Variants in PLCD1 observed in about 807,000 individuals in gnomAD.
PLCD1 encodes the protein phospholipase C delta 1.
PLCD1 carries 71 observed loss-of-function variants against 87.4 expected under a neutral mutation model. The observed-to-expected ratio is 0.81, with a 90% confidence interval of 0.67 to 0.99. The LOEUF (loss-of-function observed/expected upper bound fraction) is 0.99. Among genes scored for constraint, PLCD1 ranks in the 50% least tolerant of loss-of-function variants. PLCD1 has a pLI of 0.00. For synonymous variants in PLCD1, 348 were observed against 399.2 expected (o/e 0.87, Z 1.53); for missense variants, 867 against 1,001.5 (o/e 0.87, Z 1.81).
intron 3 of PLCD1, among the ~76,000 whole-genome samples, chr3:38,015,344 C>G (rs1048322912): frequency 2.0e-5 from 3 of 152,168 alleles, no homozygotes; most frequent in African/African-American, 7.2e-5. Context: ...ACAAAAGACT[C>G]CATGATTCCG....
chr3:38,010,120 G>A lies in PLCD1; in HGVS notation c.1137+11C>T. On this transcript the variant is annotated intron_variant, in intron 7 of 14. Coordinates refer to ENST00000334661, the MANE Select transcript of PLCD1 (RefSeq NM_006225.4). ...AGCATCCCACTCCTCACCTGCCAGG[G>A]GCACTCCCACCTTGAAGGCATAGTC... The A allele has an allele frequency of 6.8e-6, 11 of 1,614,234 alleles. No homozygotes were observed. Among genetic ancestry groups the A allele is most frequent in the Non-Finnish European group, 9.3e-6 (11 of 1,180,034 alleles).
In PLCD1 at chr3:38,010,222, T is replaced by C. The variant is rs956092319; in HGVS notation, c.1046A>G (p.Asn349Ser). The C allele has an allele frequency of 1.2e-6, 2 of 1,614,178 alleles. No homozygotes were observed. Among genetic ancestry groups the C allele is most frequent in the Non-Finnish European group, 1.7e-6 (2 of 1,180,012 alleles). Residue 349 changes from asparagine to serine, a missense_variant, in exon 7 of 15, where the codon AAC (asparagine) becomes AGC (serine). By Grantham distance (46) the Asn-to-Ser change is conservative. Transcript: ENST00000334661. ...CLELDCWDGP[N>S]QEPIIYHGYT... ...GCCGTGGTAGATGATTGGTTCCTGGTTGGGCCCGTCCCAGCAGTCAAGCTC... is the reference window on the plus strand; with the variant it reads ...GCCGTGGTAGATGATTGGTTCCTGGCTGGGCCCGTCCCAGCAGTCAAGCTC...
At position 38,007,865 on chromosome 3, in the gene PLCD1, G is replaced by A; in HGVS notation, c.2186-7C>T. The A allele has an allele frequency of 6.2e-7, 1 of 1,613,634 alleles. No individual in the cohort carries two copies. Among genetic ancestry groups the A allele is most frequent in the Non-Finnish European group, 8.5e-7 (1 of 1,179,482 alleles). On this transcript the variant is annotated splice_region_variant and splice_polypyrimidine_tract_variant and intron_variant, in intron 14 of 14. Transcript: ENST00000334661. ...AGGTGGACATGGCGGTATCCTGGTG[G>A]GTGGACAGGCAGGAGGGAACACAGA...
Position 38,007,653 on chromosome 3 carries a change from G to T in PLCD1, c.*120C>A. ...CAGCAGCAGACACTATGTTAGGGCT[G>T]AAGGCAATTTGGGGGCCTAGCTCTG... On this transcript the variant is annotated 3_prime_UTR_variant, in exon 15 of 15. Coordinates refer to ENST00000334661, the MANE Select transcript of PLCD1 (RefSeq NM_006225.4). 1 of 786,192 alleles carries T rather than the reference G, an allele frequency of 1.3e-6. No homozygotes were observed. The highest frequency in any genetic ancestry group is 2.0e-5 in the Admixed American group (1 of 50,654). The allele number at this position is 786,192 out of a possible 1,614,324, so 48.7% of individuals were successfully genotyped here. A position where few individuals can be genotyped will look rare whatever the true frequency, so the allele number is the denominator to read the frequency against.
rs1227273185 is a variant in PLCD1 at position 38,029,534 on chromosome 3, G to A, written c.6C>T (p.Asp2=). The change falls in exon 1 of 15, where the codon GAC becomes GAT. Residue 2 remains aspartate, a synonymous_variant. Transcript: ENST00000334661. M[D]SGRDFLTLHG... is the part of the protein sequence containing the mutation. ...GCAGGGTCAGGAAGTCCCGGCCCGA[G>A]TCCATGCCCGACGGGCGGCGCGGCG... The A allele has an allele frequency of 2.0e-6, 3 of 1,538,320 alleles. No homozygotes were observed. Among genetic ancestry groups the A allele is most frequent in the Non-Finnish European group, 1.7e-6 (2 of 1,146,372 alleles).
Position 38,016,489 on chromosome 3 carries a change from A to G in PLCD1, c.428+2T>C. The G allele has an allele frequency of 6.2e-7, 1 of 1,604,574 alleles. No homozygotes were observed. The highest frequency in any genetic ancestry group is 8.5e-7 in the Non-Finnish European group (1 of 1,171,782). On this transcript the variant is annotated splice_donor_variant, in intron 3 of 14. Transcript: ENST00000334661. LOFTEE classifies it high-confidence loss of function. ...CTGGACCCACTGCCACCAAAAGGAT[A>G]CTGCTGTAGCTTCTGACGCTGGTCC... is the stretch of plus-strand genomic sequence containing the variant.
At chr3:38,014,247 G>A (rs929661564) in intron 3 of PLCD1, among the ~76,000 whole-genome samples, 1 of 151,330 alleles carries the variant, frequency 6.6e-6, no homozygotes. Flanking sequence ...AAATTCAAGG[G>A]ACCCAGAATA....
At position 38,009,290 on chromosome 3, in the gene PLCD1, G is replaced by A. The variant is rs201094715; in HGVS notation, c.1588C>T (p.Arg530Ter). 560 of 1,614,182 alleles carry A rather than the reference G, an allele frequency of 3.5e-4. No individual in the cohort carries two copies. Among genetic ancestry groups the A allele is most frequent in the Non-Finnish European group, 4.5e-4 (527 of 1,180,020 alleles). The change falls in exon 10 of 15, where the codon CGA (arginine) becomes TGA (stop). Residue 530 changes from arginine to a stop codon, truncating the protein, a stop_gained. Transcript: ENST00000334661. LOFTEE classifies it high-confidence loss of function. ...GCCTCACCTGATTCTTGGAGCAGTC[G>A]AAGGGCACGGTTCTCAGAGAAGGAC... ...MASFSENRAL[R>*]LLQESGNGFV...
In PLCD1 at chr3:38,007,848, A is replaced by T; in HGVS notation, c.2196T>A (p.His732Gln). 6.2e-7 allele frequency: 1 copy of T among 1,614,136 alleles called. No homozygotes were observed. The highest frequency in any genetic ancestry group is 8.5e-7 in the Non-Finnish European group (1 of 1,179,946). The change falls in exon 15 of 15, where the codon CAT becomes CAA. Residue 732 changes from histidine (H) to glutamine (Q), a missense_variant. His to Gln is a conservative substitution (Grantham distance 24, BLOSUM62 0). Coordinates refer to ENST00000334661, the MANE Select transcript of PLCD1 (RefSeq NM_006225.4). ...PLNSLKQGYR[H>Q]VHLMSKNGDQ... ...CCCCGTTCTTAGACATGAGGTGGACATGGCGGTATCCTGGTGGGTGGACAG... is the reference window on the plus strand; with the variant it reads ...CCCCGTTCTTAGACATGAGGTGGACTTGGCGGTATCCTGGTGGGTGGACAG...
rs142342228 is a variant in PLCD1, at chr3:38,021,910, A to G, written c.35-1558T>C. On this transcript the variant is annotated intron_variant, in intron 1 of 14. Coordinates refer to ENST00000334661, the MANE Select transcript of PLCD1 (RefSeq NM_006225.4). ...CTCCCCCAGCCAGCCTGTCCCACAT[A>G]TCTTCAGGGCTCACAGAACCCTCTG... Among the ~76,000 whole-genome samples the G allele has an allele frequency of 9.9e-4, 150 of 152,146 alleles. 1 individual carries two copies. The highest frequency in any genetic ancestry group is 3.6e-3 in the African/African-American group (149 of 41,502).
At chr3:38,022,758 G>C (rs1700253577) in intron 1 of PLCD1, among the ~76,000 whole-genome samples, 1 of 152,068 alleles carries the variant, frequency 6.6e-6, no homozygotes, top group African/African-American at 2.4e-5. Flanking sequence ...TCATCTCTTA[G>C]CCTCATTTGG....
In PLCD1 at chr3:38,007,575, A is replaced by G; in HGVS notation, c.*198T>C. The G allele has an allele frequency of 1.4e-6, 1 of 698,812 alleles. No homozygotes were observed. The highest frequency in any genetic ancestry group is 2.6e-6 in the Non-Finnish European group (1 of 383,424). 43.3% of individuals were successfully genotyped at this position (698,812 alleles called of 1,614,324 possible). On this transcript the variant is annotated 3_prime_UTR_variant, in exon 15 of 15. Transcript: ENST00000334661. ...GGAGAGGGCTGCAGTGTTATTCCTA[A>G]CGGAATGAAGGACAGCTCCAGGGAC...
At chr3:38,009,551 G>A (rs1700033227) in intron 9 of PLCD1, 102 bp downstream of exon 9, 1 of 1,552,822 alleles carries the variant, frequency 6.4e-7, no homozygotes, top group East Asian at 2.3e-5. Context: ...CGGGGCAGAG[G>A]GTCTGAGTGG....
At chr3:38,024,433 T>A in intron 1 of PLCD1, 1 of 1,611,526 alleles carries the variant, frequency 6.2e-7, no homozygotes, top group Non-Finnish European at 8.5e-7. Context: ...AGGCACTGCA[T>A]GGCCCTCCAC....
At chr3:38,011,112 C>A (rs1405617420) in intron 5 of PLCD1, 102 bp downstream of exon 5, 2 of 931,048 alleles carry the variant, frequency 2.1e-6, no homozygotes, top group East Asian at 2.6e-5. Flanking sequence ...GAGGCAGCCC[C>A]TTCCCTCCGG....
chr3:38,015,139 C>T lies in PLCD1; in HGVS notation c.428+1352G>A, dbSNP rs558392380. On this transcript the variant is annotated intron_variant, in intron 3 of 14. Coordinates refer to ENST00000334661, the MANE Select transcript of PLCD1 (RefSeq NM_006225.4). ...ATATATACACACCAAAACTTATACA[C>T]GAATGTTAATATCAGCATTCTTCAT... Among the ~76,000 whole-genome samples, 53 of 152,270 alleles carry T rather than the reference C, an allele frequency of 3.5e-4. No homozygotes were observed. In the South Asian group the frequency reaches 0.01, roughly 29 times the overall value.
chr3:38,017,001 G>A lies in PLCD1; in HGVS notation c.200-282C>T, dbSNP rs1020714530. Among the ~76,000 whole-genome samples, 5 of 152,012 alleles carry A rather than the reference G, an allele frequency of 3.3e-5. No homozygotes were observed. Among genetic ancestry groups the A allele is most frequent in the Non-Finnish European group, 7.4e-5 (5 of 67,994 alleles). On this transcript the variant is annotated intron_variant, in intron 2 of 14. Transcript: ENST00000334661. This position sits in a 1 kb window ranked among gnomAD's most constrained non-coding sequence, Gnocchi z 4.7. ...ACACAGGGAGAGACAGAGAGTGAGA[G>A]AAAGACAGACTTTAGGGCGGAAAAG...
rs769222180 is a variant in PLCD1 at position 38,011,664 on chromosome 3, G to A, written c.438C>T (p.His146=). The change falls in exon 4 of 15, where the codon CAC becomes CAT. Residue 146 remains histidine, a synonymous_variant. Transcript: ENST00000334661. ...TTTTGTCAGCTTTTCGCAAGCAGGAGTGAATCCAGCTGGGCAAGAAGTAAG... is the reference window on the plus strand; with the variant it reads ...TTTTGTCAGCTTTTCGCAAGCAGGAATGAATCCAGCTGGGCAAGAAGTAAG... The part of the protein sequence containing the change: ...DQRQKLQHWI[H]SCLRKADKNK... The A allele has an allele frequency of 2.5e-6, 4 of 1,614,108 alleles. No individual in the cohort carries two copies. The African/African-American group carries it at 4.0e-5, about 16-fold the overall frequency.
At chr3:38,019,882 T>C (rs1700207783) in intron 2 of PLCD1, among the ~76,000 whole-genome samples, 1 of 152,200 alleles carries the variant, frequency 6.6e-6, no homozygotes, top group African/African-American at 2.4e-5. Flanking sequence ...TCTGTGGTCA[T>C]GGTTAAGTAT....
Sources: allele counts gnomAD v4.1 joint callset (sites outside exome capture counted in the v4.1 genomes callset), GRCh38; gene constraint gnomAD v4.1.1; non-coding constraint Gnocchi (gnomAD v3.1); transcripts MANE v1.5; gene names NCBI Gene and HGNC (gene_info 2026-07-23, HGNC 2026-07-21).